The following PCDH15 variants were observed in gnomAD, a reference collection of about 807,000 sequenced individuals.
PCDH15 encodes protocadherin-15.
PCDH15 carries 129 observed loss-of-function variants against 178.5 expected under a neutral mutation model. That is an observed-to-expected ratio of 0.72 (90% CI 0.63 to 0.84). The LOEUF (loss-of-function observed/expected upper bound fraction) is 0.84, where lower values mean the gene tolerates loss of function less well. PCDH15 is among the 40% of genes least tolerant of loss of function. The pLI, the probability that PCDH15 is intolerant of heterozygous loss-of-function variation, is 0.00. For synonymous variants in PCDH15, 800 were observed against 732.0 expected (o/e 1.09, Z -1.50); for missense variants, 2,230 against 2,099.9 (o/e 1.06, Z -1.21).
At chr10:54,539,781 T>A (rs1454978690) in intron 2 of PCDH15, among the ~76,000 whole-genome samples, 1 of 152,026 alleles carries the variant, frequency 6.6e-6, no homozygotes, top group East Asian at 1.9e-4. Flanking sequence ...AAAACAAGTC[T>A]CAAAGAAATC....
At chr10:54,823,357 C>T (rs1953078976) in intron 3 of PCDH15, among the ~76,000 whole-genome samples, 2 of 152,026 alleles carry the variant, frequency 1.3e-5, no homozygotes, top group East Asian at 3.9e-4. Context: ...TTAAGCTTCC[C>T]TCCAAGAGAT....
intron 8 of PCDH15, among the ~76,000 whole-genome samples, chr10:54,267,324 A>G (rs374291552): frequency 6.6e-6 from 1 of 151,890 alleles, no homozygotes; most frequent in African/African-American, 2.4e-5. Context: ...CATTATACTA[A>G]ATAGGCAAAA....
chr10:54,536,992 GTTTCCTTTTTTTTTTTTTTT>G (rs1190095731), intron 2 of PCDH15, among the ~76,000 whole-genome samples: 1 of 109,186 alleles, frequency 9.2e-6, no homozygotes, highest in East Asian at 3.2e-4. Flanking sequence ...GGAACAATTT[GTTTCCTTTTTTTTTTTTTTT>G]TTTTTTGAGA....
intron 1 of PCDH15, among the ~76,000 whole-genome samples, chr10:54,680,589 T>TC (rs2094881156): frequency 6.6e-6 from 1 of 152,102 alleles, no homozygotes; most frequent in African/African-American, 2.4e-5. Flanking sequence ...ATTGTAATAA[T>TC]CCCCATGTGT....
At position 53,866,874 on chromosome 10, in the gene PCDH15, A is replaced by AT. The variant is rs1564640609; in HGVS notation, c.3502-18_3502-17insA. The AT allele has an allele frequency of 2.0e-6, 3 of 1,531,448 alleles. No individual in the cohort carries two copies. In the East Asian group the frequency reaches 6.8e-5, roughly 35 times the overall value. 94.9% of individuals were successfully genotyped at this position (1,531,448 alleles called of 1,614,324 possible). ...ATCAGTAGCCTAGACGGAGGGGAAA[A>AT]AAAAAGAGATTATAATTAAGCAGGA... is the stretch of plus-strand genomic sequence containing the variant. On this transcript the variant is annotated splice_polypyrimidine_tract_variant and intron_variant, in intron 26 of 37. Transcript: ENST00000644397.
At chr10:54,579,893 A>T (rs2090876825) in intron 2 of PCDH15, among the ~76,000 whole-genome samples, 1 of 152,062 alleles carries the variant, frequency 6.6e-6, no homozygotes. Flanking sequence ...CAGATAAACA[A>T]CGATATTAAG....
chr10:53,830,037 C>T (rs907901359), intron 30 of PCDH15, among the ~76,000 whole-genome samples: 1 of 152,138 alleles, frequency 6.6e-6, no homozygotes, highest in Non-Finnish European at 1.5e-5. Context: ...GGCGCGGTGG[C>T]TCACACCTGT....
At chr10:54,365,673 T>C (rs552826585) in intron 5 of PCDH15, among the ~76,000 whole-genome samples, 2 of 152,244 alleles carry the variant, frequency 1.3e-5, no homozygotes, top group African/African-American at 4.8e-5. Flanking sequence ...AAAACTTGCA[T>C]AAGAATGATC....
chr10:54,384,867 T>C (rs1949732653), intron 3 of PCDH15, among the ~76,000 whole-genome samples: 1 of 152,110 alleles, frequency 6.6e-6, no homozygotes. Flanking sequence ...CAATATTCCA[T>C]GAAAAGACAA....
intron 15 of PCDH15, among the ~76,000 whole-genome samples, chr10:54,096,986 T>C (rs1309216531): frequency 6.6e-6 from 1 of 152,174 alleles, no homozygotes; most frequent in Non-Finnish European, 1.5e-5. Context: ...CCCTTCTATA[T>C]CCAATTCATT....
intron 3 of PCDH15, among the ~76,000 whole-genome samples, chr10:54,479,572 C>T (rs2078551899): frequency 6.6e-6 from 1 of 151,812 alleles, no homozygotes; most frequent in African/African-American, 2.4e-5. Context: ...GATCCCTTTT[C>T]CTCATCCTCA....
intron 18 of PCDH15, among the ~76,000 whole-genome samples, chr10:54,030,089 T>C (rs2202645): frequency 0.59 from 88,945 of 151,918 alleles, 29,229 homozygotes; most frequent in Middle Eastern, 0.75. Flanking sequence ...CCCAAGGAAA[T>C]AACTTGAGGA....
chr10:55,343,790 T>C (rs779710296), intron 2 of PCDH15, among the ~76,000 whole-genome samples: 13 of 152,230 alleles, frequency 8.5e-5, no homozygotes, highest in Middle Eastern at 3.4e-3. Context: ...AGGAAACAAA[T>C]AACTATTGAA....
rs143507992 is a variant in PCDH15 at position 54,011,454 on chromosome 10, G to A, written c.2751+8738C>T. ...CCCTTCCCTTGTTGTGTCTAAGCTG[G>A]GGAAAGAACATAAAGCCTGAGCTTG... On this transcript the variant is annotated intron_variant, in intron 20 of 37. Transcript: ENST00000644397. 7.3e-3 allele frequency among the ~76,000 whole-genome samples: 1,113 copies of A among 152,254 alleles called. 7 individuals are homozygous for A. Among genetic ancestry groups the A allele is most frequent in the Non-Finnish European group, 0.012 (816 of 68,010 alleles).
At chr10:55,056,864 C>T (rs887185548) in intron 2 of PCDH15, among the ~76,000 whole-genome samples, 6 of 151,854 alleles carry the variant, frequency 4.0e-5, no homozygotes, top group Non-Finnish European at 7.4e-5. Context: ...AAACTCCTGA[C>T]CTCAGGCAGT....
At chr10:55,533,223 C>T (rs12413207) in intron 2 of PCDH15, among the ~76,000 whole-genome samples, 6,787 of 152,012 alleles carry the variant, frequency 0.045, 406 homozygotes, top group East Asian at 0.31. Flanking sequence ...GAATTCCTGC[C>T]CAGAGCAATC....
chr10:55,357,459 G>T (rs931255383), intron 2 of PCDH15, among the ~76,000 whole-genome samples: 1 of 151,686 alleles, frequency 6.6e-6, no homozygotes, highest in Non-Finnish European at 1.5e-5. Flanking sequence ...GGACTGTGAG[G>T]GTCAATTCCG....
At chr10:55,616,801 T>G (rs1589189615) in intron 2 of PCDH15, among the ~76,000 whole-genome samples, 4 of 152,244 alleles carry the variant, frequency 2.6e-5, no homozygotes, top group South Asian at 4.1e-4. Context: ...GTCTCTACAA[T>G]AGTGAGTATG....
chr10:53,842,393 GCAC>G (rs1564591308), intron 28 of PCDH15, among the ~76,000 whole-genome samples: 1 of 152,048 alleles, frequency 6.6e-6, no homozygotes, highest in Non-Finnish European at 1.5e-5. Context: ...TTACAGGCAT[GCAC>G]CACCACACCT....
Sources: allele counts gnomAD v4.1 joint callset (sites outside exome capture counted in the v4.1 genomes callset), GRCh38; gene constraint gnomAD v4.1.1; transcripts MANE v1.5; gene names NCBI Gene and HGNC (gene_info 2026-07-23, HGNC 2026-07-21).